Variants in PRKAR1B observed in about 807,000 individuals in gnomAD.
The protein encoded by PRKAR1B is protein kinase cAMP-dependent type I regulatory subunit beta, also known as cAMP-dependent protein kinase type I-beta regulatory subunit.
A neutral mutation model predicts 46.5 loss-of-function variants in PRKAR1B; 22 were observed. That is an observed-to-expected ratio of 0.47 (90% CI 0.34 to 0.68). The LOEUF (loss-of-function observed/expected upper bound fraction) is 0.68. Ranked by LOEUF, PRKAR1B falls within the 30% of genes least tolerant of loss-of-function variation. The probability of loss-of-function intolerance (pLI) is 0.01; values close to 1 mark genes in which losing one functional copy is unlikely to be tolerated. For synonymous variants in PRKAR1B, 259 were observed against 217.7 expected, an observed-to-expected ratio of 1.19 and a Z score of -1.67; for missense variants, 445 against 535.6, an observed-to-expected ratio of 0.83 and a Z score of 1.67.
chr7:600,675 G>A (rs1018004840), intron 6 of PRKAR1B, among the ~76,000 whole-genome samples: 9 of 152,158 alleles, frequency 5.9e-5, no homozygotes, highest in East Asian at 1.9e-4. Flanking sequence ...AGGGAAGCCC[G>A]GAACGGCCAG....
At chr7:623,238 T>C (rs1213515450) in intron 4 of PRKAR1B, among the ~76,000 whole-genome samples, 2 of 152,238 alleles carry the variant, frequency 1.3e-5, no homozygotes, top group Non-Finnish European at 2.9e-5. Context: ...AAAGCAGAGC[T>C]CCTGCTCCCG....
At chr7:719,795 T>A (rs762375971) in intron 1 of PRKAR1B, among the ~76,000 whole-genome samples, 39 of 152,082 alleles carry the variant, frequency 2.6e-4, no homozygotes, top group Admixed American at 1.2e-3. Flanking sequence ...CGCCACCCCA[T>A]CCCTAGCCCC....
chr7:600,807 C>T (rs985610004), intron 6 of PRKAR1B, among the ~76,000 whole-genome samples: 1 of 152,212 alleles, frequency 6.6e-6, no homozygotes, highest in African/African-American at 2.4e-5. Flanking sequence ...GAGCTACGTT[C>T]CCAGGCCTGC....
chr7:619,397 T>C (rs565433003), intron 4 of PRKAR1B, among the ~76,000 whole-genome samples: 4 of 152,366 alleles, frequency 2.6e-5, no homozygotes, highest in Admixed American at 2.6e-4. Flanking sequence ...TTACGCACAG[T>C]TGCTCATTTA....
At chr7:676,116 G>A (rs946245252) in intron 4 of PRKAR1B, among the ~76,000 whole-genome samples, 26 of 152,264 alleles carry the variant, frequency 1.7e-4, no homozygotes, top group Admixed American at 4.6e-4. Flanking sequence ...TGCTGTTACC[G>A]ACGGGATCTG....
At chr7:561,769 C>A (rs1045641159) in intron 9 of PRKAR1B, among the ~76,000 whole-genome samples, 1 of 152,360 alleles carries the variant, frequency 6.6e-6, no homozygotes, top group South Asian at 2.1e-4. Flanking sequence ...GTCTGGGGCC[C>A]GGCAAAGGCA....
intron 2 of PRKAR1B, among the ~76,000 whole-genome samples, chr7:685,279 C>CATATATATGTGT (rs1562615413): frequency 5.1e-5 from 1 of 19,544 alleles, no homozygotes; most frequent in African/African-American, 1.8e-4. Flanking sequence ...CGTATATATA[C>CATATATATGTGT]GTATATATAT....
chr7:580,371 TG>T (rs1263942521), intron 8 of PRKAR1B, among the ~76,000 whole-genome samples: 1 of 151,276 alleles, frequency 6.6e-6, no homozygotes, highest in Admixed American at 6.6e-5. Flanking sequence ...CTGGTCAACA[TG>T]GCAAAACCCC....
In PRKAR1B at chr7:579,360, C is replaced by A; in HGVS notation, c.787G>T (p.Glu263Ter). Residue 263 changes from glutamate (E) to a stop codon, truncating the protein, a stop_gained, in exon 9 of 11, where the codon GAG becomes TAG. Coordinates refer to ENST00000537384, the MANE Select transcript of PRKAR1B (RefSeq NM_001164760.2). LOFTEE classifies it high-confidence loss of function. ...VSILESLEKW[E>*]RLTVADALEP... ...AGCGCATCCGCCACGGTCAGACGCT[C>A]CCACTTCTCCAGGGACTCTGTCGGG... 1 of 1,613,960 alleles carries A rather than the reference C, an allele frequency of 6.2e-7. No individual in the cohort carries two copies. The highest frequency in any genetic ancestry group is 8.5e-7 in the Non-Finnish European group (1 of 1,180,034).
chr7:726,974 T>C, intron 1 of PRKAR1B: 1 of 1,303,578 alleles, frequency 7.7e-7, no homozygotes. Context: ...CTGCGCTGCC[T>C]GAGCGACCCC....
intron 2 of PRKAR1B, among the ~76,000 whole-genome samples, chr7:707,351 C>T (rs1780382616): frequency 6.6e-6 from 1 of 152,144 alleles, no homozygotes; most frequent in African/African-American, 2.4e-5. Context: ...AGATTTTTTT[C>T]TTTGCATATA....
intron 8 of PRKAR1B, among the ~76,000 whole-genome samples, chr7:582,728 TGAA>T (rs912652800): frequency 4.6e-5 from 7 of 152,068 alleles, no homozygotes; most frequent in African/African-American, 1.4e-4. Context: ...CGCTGGTGAA[TGAA>T]GGAGTCTGTG....
intron 4 of PRKAR1B, among the ~76,000 whole-genome samples, chr7:629,681 G>A (rs9801194): frequency 6.1e-3 from 155 of 25,570 alleles, no homozygotes; most frequent in South Asian, 0.02. Context: ...CTCCGAGGGC[G>A]CCACCACCCC....
At chr7:564,572 C>A (rs139125710) in intron 9 of PRKAR1B, among the ~76,000 whole-genome samples, 11,541 of 152,288 alleles carry the variant, frequency 0.076, 553 homozygotes, top group Non-Finnish European at 0.1. Flanking sequence ...TCGACTCCAG[C>A]CACAGTGACA....
At chr7:720,724 G>A (rs574519731) in intron 1 of PRKAR1B, among the ~76,000 whole-genome samples, 1 of 152,294 alleles carries the variant, frequency 6.6e-6, no homozygotes, top group East Asian at 1.9e-4. Context: ...TTATCATTAT[G>A]TAATGTCCCT....
At chr7:609,057 G>A in intron 4 of PRKAR1B, among the ~76,000 whole-genome samples, 1 of 146,178 alleles carries the variant, frequency 6.8e-6, no homozygotes, top group Non-Finnish European at 1.6e-5. Flanking sequence ...GGAGGGGTCA[G>A]TGGGTGGCAG....
chr7:557,272 C>T lies in PRKAR1B; in HGVS notation c.892-5802G>A, dbSNP rs150935763. On this transcript the variant is annotated intron_variant, in intron 9 of 10. Transcript: ENST00000537384. ...CCTCACGTCTCAGCCGCGTGACACC[C>T]GTGACCAGGCCCCTGGTGGAGCCAC... Among the ~76,000 whole-genome samples, 1,015 of 152,346 alleles carry T rather than the reference C, an allele frequency of 6.7e-3. 7 individuals are homozygous for T. The highest frequency in any genetic ancestry group is 0.01 in the Middle Eastern group (3 of 294).
At position 666,105 on chromosome 7, in the gene PRKAR1B, C is replaced by G. The variant is rs937636325; in HGVS notation, c.440+11124G>C. 6.6e-6 allele frequency among the ~76,000 whole-genome samples: 1 copy of G among 152,214 alleles called. No homozygotes were observed. Among genetic ancestry groups the G allele is most frequent in the African/African-American group, 2.4e-5 (1 of 41,456 alleles). On this transcript the variant is annotated intron_variant, in intron 4 of 10. Transcript: ENST00000537384. This position sits in a 1 kb window ranked among gnomAD's most constrained non-coding sequence, Gnocchi z 4.9. ...CACGCACGGTGCCACCCAATTATCA[C>G]GTTTCTCGGCTCCCAGGAGCTCAGC...
chr7:637,019 G>A (rs1042846383), intron 4 of PRKAR1B, among the ~76,000 whole-genome samples: 5 of 152,182 alleles, frequency 3.3e-5, no homozygotes, highest in Admixed American at 2.6e-4. Flanking sequence ...GAGGTGTGGT[G>A]GTTCACACCT....
Sources: gnomAD v4.1 joint callset for allele counts (sites outside exome capture counted in the v4.1 genomes callset) on GRCh38, gnomAD v4.1.1 for gene constraint, Gnocchi (gnomAD v3.1) non-coding constraint, MANE v1.5 for transcripts, NCBI Gene and HGNC (gene_info 2026-07-23, HGNC 2026-07-21) for gene names.